BBX: variants seen among roughly 807,000 people sequenced by gnomAD.
The protein encoded by BBX is HMG box transcription factor BBX.
A neutral mutation model predicts 100.2 loss-of-function variants in BBX; 30 were observed. The observed-to-expected ratio is 0.30, with a 90% CI of 0.22 to 0.41. BBX has a LOEUF of 0.41. Ranked by LOEUF, BBX falls within the 10% of genes least tolerant of loss-of-function variation. The probability of loss-of-function intolerance (pLI) is 1.00; values close to 1 mark genes in which losing one functional copy is unlikely to be tolerated. For synonymous variants in BBX, 376 were observed against 388.1 expected, an observed-to-expected ratio of 0.97 and a Z score of 0.37; for missense variants, 1,023 against 1,129.8, an observed-to-expected ratio of 0.91 and a Z score of 1.35.
At chr3:107,605,386 TG>T (rs1553742657) in intron 2 of BBX, among the ~76,000 whole-genome samples, 4 of 149,320 alleles carry the variant, frequency 2.7e-5, no homozygotes, top group African/African-American at 9.8e-5. Flanking sequence ...TTTTTTTTTT[TG>T]GGGGGGGGAT....
intron 13 of BBX, among the ~76,000 whole-genome samples, chr3:107,788,580 G>A (rs2068674107): frequency 6.6e-6 from 1 of 151,794 alleles, no homozygotes; most frequent in Admixed American, 6.6e-5. Context: ...CCCAGCCTGG[G>A]CAACATGGTG....
chr3:107,729,052 AT>A, intron 6 of BBX, 92 bp downstream of exon 6: 1 of 1,294,456 alleles, frequency 7.7e-7, no homozygotes, highest in Non-Finnish European at 1.1e-6. Flanking sequence ...GGGGGACAAA[AT>A]TTATAACCAA....
intron 8 of BBX, 84 bp downstream of exon 8, chr3:107,744,794 A>G: frequency 3.6e-6 from 4 of 1,107,426 alleles, no homozygotes; most frequent in East Asian, 4.7e-5. Flanking sequence ...ACTGAAAGCA[A>G]TGAAGAACTC....
intron 2 of BBX, among the ~76,000 whole-genome samples, chr3:107,617,109 A>G (rs1467387262): frequency 1.3e-5 from 2 of 152,126 alleles, no homozygotes; most frequent in African/African-American, 4.8e-5. Context: ...TTGCCTGTGT[A>G]AGTCTACTCG....
intron 5 of BBX, among the ~76,000 whole-genome samples, chr3:107,723,978 A>G (rs1363470072): frequency 6.6e-6 from 1 of 152,178 alleles, no homozygotes; most frequent in Non-Finnish European, 1.5e-5. Context: ...TCCTTGAGGA[A>G]TCGCCACACT....
intron 2 of BBX, among the ~76,000 whole-genome samples, chr3:107,596,417 G>A (rs948143137): frequency 6.6e-6 from 1 of 152,178 alleles, no homozygotes; most frequent in Non-Finnish European, 1.5e-5. Context: ...TGTCAGTTTT[G>A]TGAGATAGTT....
chr3:107,650,266 G>T (rs895310406), intron 3 of BBX, among the ~76,000 whole-genome samples: 1 of 152,122 alleles, frequency 6.6e-6, no homozygotes, highest in Non-Finnish European at 1.5e-5. Context: ...AGCGGCATTA[G>T]ATTCTCATAG....
At chr3:107,691,998 GTTAC>G (rs894292515) in intron 3 of BBX, among the ~76,000 whole-genome samples, 25 of 152,138 alleles carry the variant, frequency 1.6e-4, no homozygotes, top group Admixed American at 5.2e-4. Context: ...CGATTTGACT[GTTAC>G]TTAAGTTATT....
intron 2 of BBX, among the ~76,000 whole-genome samples, chr3:107,566,175 CAAAAA>C (rs754905445): frequency 1.9e-5 from 1 of 53,066 alleles, no homozygotes; most frequent in African/African-American, 7.1e-5. Flanking sequence ...AACTCTGTCT[CAAAAA>C]AAAAAAAAAA....
At chr3:107,778,016 A>C (rs1483045358) in intron 12 of BBX, among the ~76,000 whole-genome samples, 2 of 152,136 alleles carry the variant, frequency 1.3e-5, no homozygotes, top group African/African-American at 4.8e-5. Flanking sequence ...CATGTATATG[A>C]GTCTGTAAAA....
At chr3:107,642,674 A>G (rs959578255) in intron 2 of BBX, among the ~76,000 whole-genome samples, 4 of 152,256 alleles carry the variant, frequency 2.6e-5, no homozygotes, top group South Asian at 2.1e-4. Context: ...AAGCATGAGT[A>G]TTCTGTTCTC....
rs578004607 is a variant in BBX at position 107,759,165 on chromosome 3, G to A, written c.906+3487G>A. ...TTAGCGTTGTAAAGACCCCTTTCCC[G>A]TTTTCCAGGACCCTGGAGCCAGGAG... On this transcript the variant is annotated intron_variant, in intron 10 of 17. Transcript: ENST00000325805. 5.3e-5 allele frequency among the ~76,000 whole-genome samples: 8 copies of A among 152,140 alleles called. No homozygotes were observed. In the South Asian group the frequency reaches 6.2e-4, roughly 12 times the overall value.
At position 107,789,888 on chromosome 3, in the gene BBX, C is replaced by G; in HGVS notation, c.2293+12C>G. On this transcript the variant is annotated intron_variant, in intron 14 of 17. Coordinates refer to ENST00000325805, the MANE Select transcript of BBX (RefSeq NM_001142568.3). ...TGTTCCGGAAAAAGGTATTGGTGCC[C>G]TCCATCCTCCATGAAGGGTTCTTGG... 6.5e-7 allele frequency: 1 copy of G among 1,527,262 alleles called. No homozygotes were observed. Among genetic ancestry groups the G allele is most frequent in the Non-Finnish European group, 8.9e-7 (1 of 1,125,774 alleles). The allele number at this position is 1,527,262 out of a possible 1,614,324, so 94.6% of individuals were successfully genotyped here.
chr3:107,607,289 G>T (rs1462185247), intron 2 of BBX, among the ~76,000 whole-genome samples: 1 of 152,020 alleles, frequency 6.6e-6, no homozygotes, highest in Admixed American at 6.5e-5. Context: ...TAGAGACAGG[G>T]TTTCACCGTG....
rs924183754 is a variant in BBX, at chr3:107,627,704, T to C, written c.-83-18132T>C. On this transcript the variant is annotated intron_variant, in intron 2 of 17. Coordinates refer to ENST00000325805, the MANE Select transcript of BBX (RefSeq NM_001142568.3). Reference sequence around the variant, plus strand: ...CTTTTCTAAATTGACCATATCTCACTATTGATAGTGATATAGGTATGGTTT... The same window carrying C: ...CTTTTCTAAATTGACCATATCTCACCATTGATAGTGATATAGGTATGGTTT... Among the ~76,000 whole-genome samples, 3 of 152,064 alleles carry C rather than the reference T, an allele frequency of 2.0e-5. No individual in the cohort carries two copies. In the East Asian group the frequency reaches 5.8e-4, roughly 29 times the overall value.
At chr3:107,572,059 T>G (rs180887592) in intron 2 of BBX, among the ~76,000 whole-genome samples, 129 of 152,288 alleles carry the variant, frequency 8.5e-4, no homozygotes, top group African/African-American at 3.0e-3. Context: ...CAACATAATA[T>G]GAAAGGGTAA....
intron 2 of BBX, among the ~76,000 whole-genome samples, chr3:107,582,064 A>G (rs2052318670): frequency 6.6e-6 from 1 of 152,028 alleles, no homozygotes; most frequent in Non-Finnish European, 1.5e-5. Flanking sequence ...TTTAGGCAGA[A>G]GCAGTTATTT....
chr3:107,587,067 T>C (rs1440417598), intron 2 of BBX, among the ~76,000 whole-genome samples: 3 of 152,150 alleles, frequency 2.0e-5, no homozygotes, highest in Non-Finnish European at 4.4e-5. Flanking sequence ...TTCCACACTT[T>C]TGAGAGTTTT....
At chr3:107,682,753 T>A (rs1271369473) in intron 3 of BBX, among the ~76,000 whole-genome samples, 11 of 152,168 alleles carry the variant, frequency 7.2e-5, no homozygotes, top group Non-Finnish European at 1.3e-4. Flanking sequence ...GTAATTGAAT[T>A]ACAGACAAAA....
Sources: gnomAD v4.1 joint callset for allele counts (sites outside exome capture counted in the v4.1 genomes callset) on GRCh38, gnomAD v4.1.1 for gene constraint, MANE v1.5 for transcripts, NCBI Gene and HGNC (gene_info 2026-07-23, HGNC 2026-07-21) for gene names.